The following ABHD8 variants were observed in gnomAD, a reference collection of about 807,000 sequenced individuals.
ABHD8 encodes protein ABHD8.
A neutral mutation model predicts 29.3 loss-of-function variants in ABHD8; 10 were observed. The observed-to-expected ratio is 0.34, with a 90% CI of 0.21 to 0.58. ABHD8 has a LOEUF of 0.58. Ranked by LOEUF, ABHD8 falls within the 20% of genes least tolerant of loss-of-function variation. The pLI, the probability that ABHD8 is intolerant of heterozygous loss-of-function variation, is 0.85. For synonymous variants in ABHD8, 282 were observed against 274.6 expected (o/e 1.03, Z -0.27); for missense variants, 556 against 615.3 (o/e 0.90, Z 1.02).
intron 2 of ABHD8, among the ~76,000 whole-genome samples, chr19:17,299,240 C>CCA (rs149212694): frequency 6.8e-6 from 1 of 147,918 alleles, no homozygotes; most frequent in African/African-American, 2.5e-5. Context: ...TGAGACCCCC[C>CCA]CCCCATTCTC....
At chr19:17,299,135 T>G (rs2074105453) in intron 2 of ABHD8, among the ~76,000 whole-genome samples, 1 of 151,838 alleles carries the variant, frequency 6.6e-6, no homozygotes, top group African/African-American at 2.4e-5. Context: ...TTCAGCCTGG[T>G]ATAGCGGCTC....
intron 2 of ABHD8, among the ~76,000 whole-genome samples, chr19:17,299,236 C>CG (rs201088770): frequency 2.2e-5 from 3 of 137,250 alleles, no homozygotes; most frequent in South Asian, 2.4e-4. Flanking sequence ...ATAATGAGAC[C>CG]CCCCCCCCAT....
At chr19:17,301,966 G>T (rs1408963970) in intron 1 of ABHD8, among the ~76,000 whole-genome samples, 1 of 152,056 alleles carries the variant, frequency 6.6e-6, no homozygotes, top group Non-Finnish European at 1.5e-5. Context: ...GCTAATTTTT[G>T]TATTTTTTGT....
At chr19:17,297,548 C>T (rs1342884290) in intron 2 of ABHD8, among the ~76,000 whole-genome samples, 2 of 152,178 alleles carry the variant, frequency 1.3e-5, no homozygotes, top group South Asian at 2.1e-4. Flanking sequence ...CCTGCCTCGG[C>T]CTCCAAAAGT....
intron 2 of ABHD8, among the ~76,000 whole-genome samples, chr19:17,300,147 G>A (rs922582162): frequency 4.0e-5 from 6 of 150,164 alleles, no homozygotes; most frequent in Admixed American, 6.6e-5. Flanking sequence ...CTCGTGATCC[G>A]CCCGCCTCAG....
chr19:17,299,490 G>T (rs1165990558), intron 2 of ABHD8, among the ~76,000 whole-genome samples: 2 of 150,368 alleles, frequency 1.3e-5, no homozygotes, highest in East Asian at 3.9e-4. Context: ...GAACCTGGGA[G>T]GTGGAGCTTG....
chr19:17,293,809 T>C (rs554630536), intron 4 of ABHD8, among the ~76,000 whole-genome samples: 3 of 151,658 alleles, frequency 2.0e-5, no homozygotes, highest in African/African-American at 7.3e-5. Context: ...TCCGCCCCAC[T>C]CAGCCTCCCA....
intron 4 of ABHD8, among the ~76,000 whole-genome samples, chr19:17,293,381 G>A (rs2074079391): frequency 6.8e-6 from 1 of 147,042 alleles, no homozygotes; most frequent in Non-Finnish European, 1.5e-5. Flanking sequence ...ACAGGAGTGA[G>A]CCACCGCGCC....
intron 2 of ABHD8, among the ~76,000 whole-genome samples, chr19:17,295,923 C>G (rs2074092033): frequency 6.6e-6 from 1 of 152,170 alleles, no homozygotes; most frequent in South Asian, 2.1e-4. Flanking sequence ...GTTGCCCAGG[C>G]TGGTCTTGAA....
rs1410896085 is a variant in ABHD8, at chr19:17,294,298, C to T, written c.1139G>A (p.Arg380His). Residue 380 changes from arginine to histidine, a missense_variant, in exon 4 of 5, where the codon CGC (arginine) becomes CAC (histidine). Around this residue, in one of 2 missense-constraint regions of ABHD8, gnomAD observed 270 missense variants for 353.9 expected, o/e 0.76. Coordinates refer to ENST00000247706, the MANE Select transcript of ABHD8 (RefSeq NM_024527.5). Reference sequence around the variant, plus strand: ...GGTGCCCGCCTCTACCTCGGCCATGCGCTGGTCTTCCTCCACCGGCACAAA... The same window carrying T: ...GGTGCCCGCCTCTACCTCGGCCATGTGCTGGTCTTCCTCCACCGGCACAAA... ...DKFVPVEEDQ[R>H]MAEILLLAFL... 1.2e-6 allele frequency: 2 copies of T among 1,604,938 alleles called. No homozygotes were observed. The highest frequency in any genetic ancestry group is 1.7e-6 in the Non-Finnish European group (2 of 1,179,498).
chr19:17,292,915 A>G, intron 4 of ABHD8, 84 bp from the exon 5 acceptor site: 2 of 1,443,190 alleles, frequency 1.4e-6, no homozygotes, highest in Non-Finnish European at 1.9e-6. Flanking sequence ...CCATACACAC[A>G]TGGCCCACAG....
In ABHD8 at chr19:17,294,707, G is replaced by A; in HGVS notation, c.900C>T (p.Cys300=). 4 of 1,614,164 alleles carry A rather than the reference G, an allele frequency of 2.5e-6. No individual in the cohort carries two copies. Among genetic ancestry groups the A allele is most frequent in the Middle Eastern group, 1.7e-4 (1 of 6,030 alleles). Residue 300 remains cysteine (C), a synonymous_variant, in exon 3 of 5, where the codon TGC becomes TGT. Transcript: ENST00000247706. ...AGCTCCAGGCCAGGCAGGGCGACAA[G>A]CAGTGCAGGACGCAGGTGGGCATGT... ...IFNMPTCVLH[C]LSPCLAWSFL...
chr19:17,294,360 G>T lies in ABHD8; in HGVS notation c.1077C>A (p.Thr359=). 2 of 1,613,620 alleles carry T rather than the reference G, an allele frequency of 1.2e-6. No homozygotes were observed. Among genetic ancestry groups the T allele is most frequent in the Non-Finnish European group, 8.5e-7 (1 of 1,180,004 alleles). Residue 359 remains threonine, a synonymous_variant, in exon 4 of 5, where the codon ACC becomes ACA. Transcript: ENST00000247706. ...EGDEVYHAEL[T]VPVLLVHGMH... Reference sequence around the variant, plus strand: ...TGCCGTGGACAAGCAGGACGGGCACGGTGAGCTCGGCGTGGTAGACCTCGT... The same window carrying T: ...TGCCGTGGACAAGCAGGACGGGCACTGTGAGCTCGGCGTGGTAGACCTCGT...
chr19:17,300,827 C>A (rs144317638), intron 2 of ABHD8, 29 bp downstream of exon 2: 22 of 1,559,864 alleles, frequency 1.4e-5, no homozygotes, highest in Non-Finnish European at 1.7e-5. Flanking sequence ...CATCCCTCAC[C>A]CCCACCCCAC....
chr19:17,297,709 T>TGC (rs879667302), intron 2 of ABHD8: 23 of 151,890 alleles, frequency 1.5e-4, no homozygotes, highest in African/African-American at 5.3e-4. Context: ...GATTCCTTTC[T>TGC]TTTAGATACT....
rs1350804803 is a variant in ABHD8 at position 17,294,405 on chromosome 19, G to C, written c.1032C>G (p.Gly344=). The C allele has an allele frequency of 6.2e-7, 1 of 1,614,082 alleles. No individual in the cohort carries two copies. The highest frequency in any genetic ancestry group is 1.7e-5 in the Admixed American group (1 of 60,018). ...SSFVLRAMMS[G]QYWPEGDEVY... ...CCTCGTCGCCCTCGGGCCAGTACTGGCCGCTCATCATGGCCCGGAGTACGA... is the reference window on the plus strand; with the variant it reads ...CCTCGTCGCCCTCGGGCCAGTACTGCCCGCTCATCATGGCCCGGAGTACGA... The change falls in exon 4 of 5, where the codon GGC becomes GGG. Residue 344 remains glycine (G), a synonymous_variant. Transcript: ENST00000247706.
rs1215803390 is a variant in ABHD8 at position 17,301,509 on chromosome 19, T to A, written c.108A>T (p.Val36=). The A allele has an allele frequency of 1.1e-5, 18 of 1,611,512 alleles. No homozygotes were observed. Among genetic ancestry groups the A allele is most frequent in the East Asian group, 8.9e-5 (4 of 44,830 alleles). ...SVESSDGYTF[V]EVKPGRVLRV... The stretch of plus-strand genomic sequence containing the variant: ...GCAGCACGCGGCCGGGCTTGACCTC[T>A]ACAAAGGTGTAGCCATCGCTGGACT... The change falls in exon 2 of 5, where the codon GTA becomes GTT. Residue 36 remains valine (V), a synonymous_variant. Coordinates refer to ENST00000247706, the MANE Select transcript of ABHD8 (RefSeq NM_024527.5).
At chr19:17,292,994 G>A in intron 4 of ABHD8, 163 bp from the exon 5 acceptor site, 1 of 763,134 alleles carries the variant, frequency 1.3e-6, no homozygotes, top group Non-Finnish European at 2.0e-6. Context: ...GCTGGAGGAT[G>A]GCCTGTAGCC....
chr19:17,295,090 A>ATTTTTTTTTTT (rs779607230), intron 2 of ABHD8, among the ~76,000 whole-genome samples: 3 of 80,416 alleles, frequency 3.7e-5, no homozygotes, highest in African/African-American at 1.5e-4. Context: ...CACCCAGGTA[A>ATTTTTTTTTTT]TTTTTTTTTT....
Sources: gnomAD v4.1 joint callset for allele counts (sites outside exome capture counted in the v4.1 genomes callset) on GRCh38, gnomAD v4.1.1 for gene constraint, gnomAD v4.1.1 regional missense constraint, MANE v1.5 for transcripts, NCBI Gene and HGNC (gene_info 2026-07-23, HGNC 2026-07-21) for gene names.